CEP85L: variants seen among roughly 807,000 people sequenced by gnomAD.
CEP85L encodes centrosomal protein 85L.
CEP85L carries 60 observed loss-of-function variants against 100.3 expected under a neutral mutation model. The ratio of observed to expected loss-of-function variants is 0.60; its 90% CI spans 0.49 to 0.74. CEP85L has a LOEUF of 0.74. Among genes scored for constraint, CEP85L ranks in the 30% least tolerant of loss-of-function variants. The pLI, the probability that CEP85L is intolerant of heterozygous loss-of-function variation, is 0.00. For synonymous variants in CEP85L, 319 were observed against 322.7 expected (o/e 0.99, Z 0.12); for missense variants, 973 against 936.2 (o/e 1.04, Z -0.51).
intron 1 of CEP85L, among the ~76,000 whole-genome samples, chr6:118,640,583 A>G (rs1335203245): frequency 6.6e-6 from 1 of 152,142 alleles, no homozygotes; most frequent in Non-Finnish European, 1.5e-5. Context: ...GGAGTGCAGT[A>G]GTGCAGTCTC....
intron 4 of CEP85L, among the ~76,000 whole-genome samples, chr6:118,519,297 T>C (rs1776473216): frequency 6.6e-6 from 1 of 151,624 alleles, no homozygotes; most frequent in Non-Finnish European, 1.5e-5. Flanking sequence ...CTACTAAAAA[T>C]ACAGAAATTA....
chr6:118,558,672 G>C (rs371836121), intron 3 of CEP85L, among the ~76,000 whole-genome samples: 13 of 137,866 alleles, frequency 9.4e-5, no homozygotes, highest in South Asian at 7.6e-4. Context: ...GAGAGAGAGA[G>C]AGAGAGAGAG....
chr6:118,691,314 C>T (rs192920873), intron 1 of CEP85L, among the ~76,000 whole-genome samples: 1,547 of 152,084 alleles, frequency 0.01, 9 homozygotes, highest in Non-Finnish European at 0.018. Context: ...GGGCGGATCA[C>T]CTGAGGTTGG....
intron 10 of CEP85L, among the ~76,000 whole-genome samples, chr6:118,474,795 G>GCCTACTTTT (rs1292707854): frequency 1.2e-4 from 18 of 152,184 alleles, no homozygotes; most frequent in Non-Finnish European, 2.2e-4. Context: ...TGATGACAAA[G>GCCTACTTTT]CCTTAGAGCA....
At chr6:118,568,178 C>T (rs529611321) in intron 2 of CEP85L, among the ~76,000 whole-genome samples, 77 of 152,294 alleles carry the variant, frequency 5.1e-4, no homozygotes, top group Middle Eastern at 3.4e-3. Context: ...GACGTGGCCC[C>T]GTAGTGGCTG....
intron 1 of CEP85L, among the ~76,000 whole-genome samples, chr6:118,640,222 CAT>C (rs1360903796): frequency 6.6e-6 from 1 of 152,132 alleles, no homozygotes. Context: ...AGAAACATCA[CAT>C]AGTGTTATTT....
intron 1 of CEP85L, among the ~76,000 whole-genome samples, chr6:118,672,636 C>G (rs1172621975): frequency 1.3e-5 from 2 of 152,034 alleles, no homozygotes; most frequent in African/African-American, 4.8e-5. Flanking sequence ...CATGGTGGCA[C>G]ACACCTGTAA....
intron 1 of CEP85L, among the ~76,000 whole-genome samples, chr6:118,645,758 T>C (rs1226427285): frequency 6.6e-6 from 1 of 152,204 alleles, no homozygotes; most frequent in Non-Finnish European, 1.5e-5. Flanking sequence ...AAGAACCTTA[T>C]CTTTCTTGTT....
At chr6:118,467,347 T>G (rs751233723) in intron 12 of CEP85L, among the ~76,000 whole-genome samples, 8 of 151,930 alleles carry the variant, frequency 5.3e-5, no homozygotes, top group Non-Finnish European at 4.4e-5. Flanking sequence ...TACCAATAAT[T>G]AAGTGGCAGA....
intron 1 of CEP85L, among the ~76,000 whole-genome samples, chr6:118,662,295 C>T (rs547737549): frequency 2.2e-4 from 33 of 152,040 alleles, no homozygotes; most frequent in African/African-American, 8.0e-4. Flanking sequence ...CTTGGGAGGC[C>T]AAGGTGGGCA....
At chr6:118,513,921 C>CA (rs1001064584) in intron 4 of CEP85L, among the ~76,000 whole-genome samples, 4 of 149,558 alleles carry the variant, frequency 2.7e-5, no homozygotes, top group African/African-American at 4.9e-5. Context: ...TTGTTTGAGG[C>CA]AAAAAAAAAT....
intron 3 of CEP85L, among the ~76,000 whole-genome samples, chr6:118,556,668 T>C (rs531276936): frequency 6.6e-6 from 1 of 152,108 alleles, no homozygotes; most frequent in African/African-American, 2.4e-5. Flanking sequence ...GAAAATAAAA[T>C]CTGACACCTG....
chr6:118,709,768 T>C (rs564568924), intron 1 of CEP85L, among the ~76,000 whole-genome samples: 1 of 152,266 alleles, frequency 6.6e-6, no homozygotes, highest in South Asian at 2.1e-4. Context: ...CCATTTGCCA[T>C]CTGTTCCTTT....
intron 5 of CEP85L, chr6:118,501,352 G>A (rs1339800065): frequency 2.8e-6 from 1 of 361,286 alleles, no homozygotes; most frequent in East Asian, 7.4e-5. Flanking sequence ...CGCCAATGCA[G>A]GGGGTTAGCA....
intron 2 of CEP85L, among the ~76,000 whole-genome samples, chr6:118,605,283 C>T (rs1772112327): frequency 6.6e-6 from 1 of 152,192 alleles, no homozygotes; most frequent in African/African-American, 2.4e-5. Context: ...AACCCAAAGC[C>T]AATCAGCCCA....
rs71559831 is a variant in CEP85L at position 118,527,002 on chromosome 6, C to G, written c.1021-3082G>C. 1.2e-4 allele frequency among the ~76,000 whole-genome samples: 12 copies of G among 98,732 alleles called. No individual in the cohort carries two copies. The East Asian group carries it at 3.3e-3, about 27-fold the overall frequency. The allele number at this position is 98,732 out of a possible 152,430, so 64.8% of individuals were successfully genotyped here. ...CCACTGTTTCATTCCTTTACTTTTT[C>G]TTTTTTTTTTTTTTTTTTTTTTTTT... On this transcript the variant is annotated intron_variant, in intron 3 of 12. Transcript: ENST00000368491.
intron 3 of CEP85L, 31 bp from the exon 4 acceptor site, chr6:118,523,951 C>T (rs1314493703): frequency 2.2e-6 from 2 of 917,744 alleles, no homozygotes; most frequent in Admixed American, 2.5e-5. Flanking sequence ...AATTAGTATA[C>T]TAAAATATTT....
At position 118,491,775 on chromosome 6, in the gene CEP85L, A is replaced by C. The variant is rs760048401; in HGVS notation, c.1348T>G (p.Ser450Ala). 1 of 1,613,180 alleles carries C rather than the reference A, an allele frequency of 6.2e-7. No individual in the cohort carries two copies. Among genetic ancestry groups the C allele is most frequent in the Non-Finnish European group, 8.5e-7 (1 of 1,179,476 alleles). Residue 450 changes from serine to alanine, a missense_variant, in exon 6 of 13, where the codon TCT (serine) becomes GCT (alanine). Around this residue, in one of 3 missense-constraint regions of CEP85L, gnomAD observed 890 missense variants for 844.5 expected, o/e 1.05. Transcript: ENST00000368491. ...QQGEFEQKLA[S>A]TEKEVLQLNE... ...AGCTGTAAAACTTCTTTCTCAGTAGATGCAAGCTTTTGCTCAAATTCCCCT... is the reference window on the plus strand; with the variant it reads ...AGCTGTAAAACTTCTTTCTCAGTAGCTGCAAGCTTTTGCTCAAATTCCCCT...
At chr6:118,646,968 T>C in intron 1 of CEP85L, 1 of 985,356 alleles carries the variant, frequency 1.0e-6, no homozygotes, top group Non-Finnish European at 1.2e-6. Flanking sequence ...GTGATCAAAT[T>C]CCAATTATTA....
Sources: allele counts gnomAD v4.1 joint callset (sites outside exome capture counted in the v4.1 genomes callset), GRCh38; gene constraint gnomAD v4.1.1; regional missense constraint gnomAD v4.1.1; transcripts MANE v1.5; gene names NCBI Gene and HGNC (gene_info 2026-07-23, HGNC 2026-07-21).